The following SRGAP1 variants were observed in gnomAD, a reference collection of about 807,000 sequenced individuals.
SRGAP1 encodes SLIT-ROBO Rho GTPase activating protein 1, also known as SLIT-ROBO Rho GTPase-activating protein 1.
A neutral mutation model predicts 121.9 loss-of-function variants in SRGAP1; 43 were observed. That is an observed-to-expected ratio of 0.35 (90% confidence interval 0.28 to 0.46). The LOEUF (loss-of-function observed/expected upper bound fraction) is 0.46, where lower values mean the gene tolerates loss of function less well. Ranked by LOEUF, SRGAP1 falls within the 20% of genes least tolerant of loss-of-function variation. The probability of loss-of-function intolerance (pLI) is 1.00; values close to 1 mark genes in which losing one functional copy is unlikely to be tolerated. For synonymous variants in SRGAP1, 447 were observed against 485.4 expected, an observed-to-expected ratio of 0.92 and a Z score of 1.04; for missense variants, 1,102 against 1,350.9, an observed-to-expected ratio of 0.82 and a Z score of 2.89.
chr12:64,039,317 T>C (rs958735804), intron 4 of SRGAP1, among the ~76,000 whole-genome samples: 46 of 152,180 alleles, frequency 3.0e-4, no homozygotes, highest in Admixed American at 3.0e-3. Flanking sequence ...CTCTTTTCTT[T>C]CCAGCGTTAG....
chr12:64,068,758 C>G (rs1044252362), intron 8 of SRGAP1, among the ~76,000 whole-genome samples: 6 of 151,476 alleles, frequency 4.0e-5, no homozygotes, highest in African/African-American at 1.2e-4. Context: ...GCCTATAATC[C>G]CAGCACTTTG....
chr12:63,980,392 A>G (rs550052293), intron 1 of SRGAP1, among the ~76,000 whole-genome samples: 72 of 152,258 alleles, frequency 4.7e-4, no homozygotes, highest in African/African-American at 1.7e-3. Flanking sequence ...AATTTATGCG[A>G]CCAATCATTT....
chr12:63,875,838 G>A (rs1028167572), intron 1 of SRGAP1, among the ~76,000 whole-genome samples: 1 of 152,110 alleles, frequency 6.6e-6, no homozygotes, highest in African/African-American at 2.4e-5. Context: ...TTGCCAAGAC[G>A]GGCTGATCAC....
At chr12:64,004,215 A>G (rs998200800) in intron 3 of SRGAP1, among the ~76,000 whole-genome samples, 10 of 152,200 alleles carry the variant, frequency 6.6e-5, no homozygotes, top group Admixed American at 1.3e-4. Flanking sequence ...GTCCAAATTC[A>G]ATAAACAAAC....
rs2037008921 is a variant in SRGAP1 at position 64,143,937 on chromosome 12, A to T, written c.*1265A>T. 3 of 152,246 alleles carry T rather than the reference A, an allele frequency of 2.0e-5. No homozygotes were observed. Among genetic ancestry groups the T allele is most frequent in the Admixed American group, 2.0e-4 (3 of 15,280 alleles). 9.4% of individuals were successfully genotyped at this position (152,246 alleles called of 1,614,324 possible). A position where few individuals can be genotyped will look rare whatever the true frequency, so the allele number is the denominator to read the frequency against. On this transcript the variant is annotated 3_prime_UTR_variant, in exon 22 of 22. Transcript: ENST00000355086. ...GAACATGGCCTTGTGGTTCTCACCC[A>T]GTTGTGTACCTCACAACCACAACTT...
intron 21 of SRGAP1, among the ~76,000 whole-genome samples, chr12:64,133,976 C>T (rs1020462821): frequency 3.3e-5 from 5 of 151,988 alleles, no homozygotes; most frequent in African/African-American, 1.2e-4. Flanking sequence ...GATTGAGTGT[C>T]GCCTTGCCTT....
chr12:64,052,237 A>G (rs1052717859), intron 6 of SRGAP1, among the ~76,000 whole-genome samples: 1 of 152,052 alleles, frequency 6.6e-6, no homozygotes, highest in Non-Finnish European at 1.5e-5. Context: ...AACTTGGAGA[A>G]CTTCTGAAAT....
chr12:64,013,653 A>G (rs1404642954), intron 3 of SRGAP1, among the ~76,000 whole-genome samples: 1 of 152,210 alleles, frequency 6.6e-6, no homozygotes, highest in African/African-American at 2.4e-5. Context: ...GGCCTCTTTC[A>G]TCAGTTACAT....
At chr12:63,916,500 C>T (rs919863661) in intron 1 of SRGAP1, among the ~76,000 whole-genome samples, 48 of 152,302 alleles carry the variant, frequency 3.2e-4, no homozygotes, top group African/African-American at 1.1e-3. Flanking sequence ...AGCTCTATAC[C>T]AGACGCTGGG....
At chr12:64,054,793 T>G (rs1210855688) in intron 6 of SRGAP1, among the ~76,000 whole-genome samples, 1 of 152,040 alleles carries the variant, frequency 6.6e-6, no homozygotes, top group Non-Finnish European at 1.5e-5. Flanking sequence ...TTGTGCAGGT[T>G]AGTTACATAT....
chr12:63,890,954 A>G (rs919973467), intron 1 of SRGAP1, among the ~76,000 whole-genome samples: 1 of 152,184 alleles, frequency 6.6e-6, no homozygotes, highest in East Asian at 1.9e-4. Flanking sequence ...AGCCTTTTCT[A>G]AAGGAAGCTC....
At chr12:64,074,918 A>G in intron 8 of SRGAP1, among the ~76,000 whole-genome samples, 1 of 152,182 alleles carries the variant, frequency 6.6e-6, no homozygotes, top group Non-Finnish European at 1.5e-5. Context: ...TTAATTTAGA[A>G]ATACTATATT....
In SRGAP1 at chr12:64,063,058, A is replaced by C; in HGVS notation, c.943A>C (p.Lys315Gln). ...AVDNLEPRSD[K>Q]QRFMEMYPAA... ...TGATAATTTAGAGCCCAGGAGCGATAAGCAGAGATTCATGGAGATGTACCC... is the reference window on the plus strand; with the variant it reads ...TGATAATTTAGAGCCCAGGAGCGATCAGCAGAGATTCATGGAGATGTACCC... The change falls in exon 7 of 22, where the codon AAG (lysine) becomes CAG (glutamine). Residue 315 changes from lysine to glutamine, a missense_variant. Around this residue, in one of 3 missense-constraint regions of SRGAP1, gnomAD observed 747 missense variants for 929.4 expected, o/e 0.80. Transcript: ENST00000355086. 1 of 1,614,126 alleles carries C rather than the reference A, an allele frequency of 6.2e-7. No homozygotes were observed. The highest frequency in any genetic ancestry group is 8.5e-7 in the Non-Finnish European group (1 of 1,180,002).
rs966379672 is a variant in SRGAP1, at chr12:63,995,992, C to T, written c.426+5920C>T. Among the ~76,000 whole-genome samples the T allele has an allele frequency of 2.0e-5, 3 of 150,102 alleles. No homozygotes were observed. The East Asian group carries it at 5.8e-4, about 29-fold the overall frequency. ...GAAGTTAATAAAAGATACCACTTGA[C>T]TACAGATCTCTAAGGCTCTGACCTT... is the stretch of plus-strand genomic sequence containing the variant. On this transcript the variant is annotated intron_variant, in intron 3 of 21. Coordinates refer to ENST00000355086, the MANE Select transcript of SRGAP1 (RefSeq NM_020762.4).
Position 64,159,160 on chromosome 12 carries a change from C to G in SRGAP1, c.*16488C>G, listed in dbSNP as rs1282231263. On this transcript the variant is annotated 3_prime_UTR_variant, in exon 22 of 22. Transcript: ENST00000355086. ...ATAGCAAGACCCCATCCCTACAAAA[C>G]AGTTTTTTAAAAAACTAGCTGTAGG... 1 of 152,222 alleles carries G rather than the reference C, an allele frequency of 6.6e-6. No individual in the cohort carries two copies. The highest frequency in any genetic ancestry group is 1.5e-5 in the Non-Finnish European group (1 of 68,234). 9.4% of individuals were successfully genotyped at this position (152,222 alleles called of 1,614,324 possible).
At chr12:63,969,628 T>C (rs568669023) in intron 1 of SRGAP1, among the ~76,000 whole-genome samples, 1 of 151,668 alleles carries the variant, frequency 6.6e-6, no homozygotes, top group African/African-American at 2.4e-5. Context: ...CCCGTCTCTA[T>C]TAAAAATACA....
At position 64,147,238 on chromosome 12, in the gene SRGAP1, T is replaced by C. The variant is rs999822934; in HGVS notation, c.*4566T>C. On this transcript the variant is annotated 3_prime_UTR_variant, in exon 22 of 22. Coordinates refer to ENST00000355086, the MANE Select transcript of SRGAP1 (RefSeq NM_020762.4). Reference sequence around the variant, plus strand: ...ATCAATTGCGGTACCGGTAGCTTCCTGCTTGTGACTGTTACCTAATTGTGT... The same window carrying C: ...ATCAATTGCGGTACCGGTAGCTTCCCGCTTGTGACTGTTACCTAATTGTGT... 1 of 366,348 alleles carries C rather than the reference T, an allele frequency of 2.7e-6. No individual in the cohort carries two copies. Among genetic ancestry groups the C allele is most frequent in the Non-Finnish European group, 4.9e-6 (1 of 205,734 alleles). The allele number at this position is 366,348 out of a possible 1,614,324, so 22.7% of individuals were successfully genotyped here.
chr12:64,136,573 C>T (rs1392294914), intron 21 of SRGAP1, among the ~76,000 whole-genome samples: 2 of 151,988 alleles, frequency 1.3e-5, no homozygotes, highest in Non-Finnish European at 2.9e-5. Context: ...GGAATCCGGC[C>T]CCAATATGAC....
At chr12:64,065,363 C>G in intron 8 of SRGAP1, 144 bp downstream of exon 8, 1 of 705,396 alleles carries the variant, frequency 1.4e-6, no homozygotes, top group Non-Finnish European at 2.4e-6. Context: ...CTGTAGTACT[C>G]TTTGTAGGGG....
Sources: gnomAD v4.1 joint callset for allele counts (sites outside exome capture counted in the v4.1 genomes callset) on GRCh38, gnomAD v4.1.1 for gene constraint, gnomAD v4.1.1 regional missense constraint, MANE v1.5 for transcripts, NCBI Gene and HGNC (gene_info 2026-07-23, HGNC 2026-07-21) for gene names.